The following RAD52 variants were observed in gnomAD, a reference collection of about 807,000 sequenced individuals.
RAD52 encodes the protein RAD52 DNA repair protein.
A neutral mutation model predicts 55.5 loss-of-function variants in RAD52; 47 were observed. The observed-to-expected ratio is 0.85, with a 90% CI of 0.67 to 1.08. The LOEUF (loss-of-function observed/expected upper bound fraction) is 1.08, where lower values mean the gene tolerates loss of function less well. RAD52 is among the 50% of genes least tolerant of loss of function. RAD52 has a pLI of 0.00. For synonymous variants in RAD52, 184 were observed against 198.9 expected (o/e 0.92, Z 0.63); for missense variants, 468 against 522.8 (o/e 0.90, Z 1.02).
intron 5 of RAD52, among the ~76,000 whole-genome samples, chr12:928,820 T>C (rs1278461982): frequency 6.6e-6 from 1 of 152,144 alleles, no homozygotes; most frequent in African/African-American, 2.4e-5. Flanking sequence ...TTAAGTGCAC[T>C]GAAAATTTAC....
chr12:931,930 C>CGG (rs1555173974), intron 2 of RAD52, among the ~76,000 whole-genome samples: 1 of 152,156 alleles, frequency 6.6e-6, no homozygotes, highest in Non-Finnish European at 1.5e-5. Context: ...TTGCCCTGCT[C>CGG]AGATGAGATG....
rs1158931151 is a variant in RAD52 at position 913,896 on chromosome 12, G to C, written c.1193C>G (p.Thr398Arg). ...LQTYSADQRTTGNWESHRKSQ... is the reference protein window; with the variant it reads ...LQTYSADQRTRGNWESHRKSQ... Reference sequence around the variant, plus strand: ...GTGCCTAAACACCTCTCTGCTACCTGTTGTGCGTTGGTCAGCGCTATAAGT... The same window carrying C: ...GTGCCTAAACACCTCTCTGCTACCTCTTGTGCGTTGGTCAGCGCTATAAGT... The change falls in exon 11 of 12, where the codon ACA becomes AGA. Residue 398 changes from threonine to arginine, a missense_variant and splice_region_variant. Coordinates refer to ENST00000358495, the MANE Select transcript of RAD52 (RefSeq NM_134424.4). 6 of 1,613,498 alleles carry C rather than the reference G, an allele frequency of 3.7e-6. No homozygotes were observed. The highest frequency in any genetic ancestry group is 5.1e-6 in the Non-Finnish European group (6 of 1,179,532).
At chr12:927,717 T>A (rs1278410162) in intron 5 of RAD52, among the ~76,000 whole-genome samples, 1 of 151,982 alleles carries the variant, frequency 6.6e-6, no homozygotes, top group Non-Finnish European at 1.5e-5. Flanking sequence ...AATACAAAAA[T>A]TAGCCGGGTG....
upstream of RAD52, among the ~76,000 whole-genome samples, chr12:990,843 C>G (rs1257045598): frequency 6.6e-6 from 1 of 151,712 alleles, no homozygotes; most frequent in Non-Finnish European, 1.5e-5. Context: ...GGGCTTCCAG[C>G]GTCCACTTCC....
intron 7 of RAD52, among the ~76,000 whole-genome samples, chr12:918,962 A>G (rs1175863671): frequency 1.3e-5 from 2 of 152,198 alleles, no homozygotes; most frequent in East Asian, 1.9e-4. Context: ...TTCCACTTAC[A>G]GTACAATTCC....
chr12:959,136 G>A (rs1428270049), intron 1 of RAD52, among the ~76,000 whole-genome samples: 3 of 152,202 alleles, frequency 2.0e-5, no homozygotes, highest in African/African-American at 4.8e-5. Context: ...CGAGTGCTGA[G>A]GGCTTCCTAT....
At chr12:929,755 C>T (rs374994217) in intron 5 of RAD52, 64 bp downstream of exon 5, 16 of 1,494,466 alleles carry the variant, frequency 1.1e-5, no homozygotes, top group Non-Finnish European at 1.4e-5. Flanking sequence ...TACTTCCCTA[C>T]CTGCTCACCT....
chr12:920,993 A>G (rs1421912683), intron 7 of RAD52, among the ~76,000 whole-genome samples: 1 of 152,198 alleles, frequency 6.6e-6, no homozygotes, highest in Non-Finnish European at 1.5e-5. Flanking sequence ...GCAAAAAGAA[A>G]ACTGGAAAAT....
chr12:965,665 A>AT (rs2154120912), intron 1 of RAD52, among the ~76,000 whole-genome samples: 1 of 151,230 alleles, frequency 6.6e-6, no homozygotes, highest in East Asian at 1.9e-4. Flanking sequence ...GGGTTTTTTT[A>AT]TTTTTGTAGT....
chr12:970,504 A>G (rs1958831432), intron 1 of RAD52, among the ~76,000 whole-genome samples: 1 of 152,176 alleles, frequency 6.6e-6, no homozygotes, highest in South Asian at 2.1e-4. Flanking sequence ...AAAATAAGGG[A>G]ACATTTATTT....
intron 1 of RAD52, among the ~76,000 whole-genome samples, chr12:970,652 T>C (rs1190101324): frequency 1.3e-5 from 2 of 152,110 alleles, no homozygotes; most frequent in African/African-American, 4.8e-5. Context: ...AGTGAAACAT[T>C]GATTTAGAAA....
At chr12:981,900 G>A (rs1034971456) in intron 1 of RAD52, among the ~76,000 whole-genome samples, 2 of 152,138 alleles carry the variant, frequency 1.3e-5, no homozygotes, top group Non-Finnish European at 2.9e-5. Context: ...GGATTAGCAG[G>A]CTTGCCTTCT....
rs140697334 is a variant in RAD52, at chr12:965,901, A to G, written c.-19+23908T>C. ...AGGGTTTCGCCTGTTGGCCAGGCTG[A>G]TCTCGAACTGCTGACCTCATGATCC... On this transcript the variant is annotated intron_variant, in intron 1 of 11. Coordinates refer to the RAD52 transcript ENST00000430095. Among the ~76,000 whole-genome samples, 894 of 151,938 alleles carry G rather than the reference A, an allele frequency of 5.9e-3. 2 individuals are homozygous for G. Among genetic ancestry groups the G allele is most frequent in the East Asian group, 0.022 (113 of 5,146 alleles).
chr12:924,803 C>T (rs986944200), intron 7 of RAD52, among the ~76,000 whole-genome samples: 2 of 152,144 alleles, frequency 1.3e-5, no homozygotes, highest in African/African-American at 4.8e-5. Flanking sequence ...GGCTCAACAG[C>T]GAGGCTGGGA....
chr12:930,483 C>A (rs745713606), intron 3 of RAD52, among the ~76,000 whole-genome samples: 1 of 151,840 alleles, frequency 6.6e-6, no homozygotes, highest in Non-Finnish European at 1.5e-5. Context: ...AGGAACTCAC[C>A]CAGCAGTTGC....
Position 916,756 on chromosome 12 carries a change from G to A in RAD52, c.608C>T (p.Ala203Val), listed in dbSNP as rs1956411488. The change falls in exon 8 of 12, where the codon GCA (alanine) becomes GTA (valine). Residue 203 changes from alanine (A) to valine (V), a missense_variant. Transcript: ENST00000358495. ...RQDLEPSVEEARYNSCRPNMA... is the reference protein window; with the variant it reads ...RQDLEPSVEEVRYNSCRPNMA... Reference sequence around the variant, plus strand: ...GTTCGGTCGGCAGCTGTTGTATCTTGCCTCCTCCACAGACGGTTCAAGATC... The same window carrying A: ...GTTCGGTCGGCAGCTGTTGTATCTTACCTCCTCCACAGACGGTTCAAGATC... The A allele has an allele frequency of 1.9e-6, 3 of 1,614,194 alleles. No individual in the cohort carries two copies. Among genetic ancestry groups the A allele is most frequent in the East Asian group, 4.5e-5 (2 of 44,884 alleles).
chr12:939,051 A>G (rs1592410342), intron 1 of RAD52, among the ~76,000 whole-genome samples: 2 of 49,078 alleles, frequency 4.1e-5, no homozygotes, highest in African/African-American at 1.9e-4. Context: ...CATTCAACTA[A>G]TTGTGTGTGT....
intron 1 of RAD52, among the ~76,000 whole-genome samples, chr12:969,862 A>G (rs1958817425): frequency 6.6e-6 from 1 of 151,998 alleles, no homozygotes; most frequent in African/African-American, 2.4e-5. Context: ...GAAAAGTAAA[A>G]TGAAGAAACT....
At chr12:940,102 A>G (rs991475770) in intron 1 of RAD52, among the ~76,000 whole-genome samples, 6 of 151,904 alleles carry the variant, frequency 3.9e-5, no homozygotes, top group African/African-American at 1.5e-4. Flanking sequence ...AGAAGAGGAC[A>G]ATGGAGAGCC....
Sources: allele counts gnomAD v4.1 joint callset (sites outside exome capture counted in the v4.1 genomes callset), GRCh38; gene constraint gnomAD v4.1.1; transcripts MANE v1.5; gene names NCBI Gene and HGNC (gene_info 2026-07-23, HGNC 2026-07-21).